The following HECW1 variants were observed in gnomAD, a reference collection of about 807,000 sequenced individuals.
HECW1 encodes the protein E3 ubiquitin-protein ligase HECW1.
A neutral mutation model predicts 182.3 loss-of-function variants in HECW1; 61 were observed. The observed-to-expected ratio is 0.33, with a 90% CI of 0.27 to 0.41. The LOEUF is 0.41. Ranked by LOEUF, HECW1 falls within the 10% of genes least tolerant of loss-of-function variation. The pLI is 1.00. For missense variants in HECW1, 1,739 were observed against 2,108.9 expected, an observed-to-expected ratio of 0.82 and a Z score of 3.44; for synonymous variants, 859 against 832.6, an observed-to-expected ratio of 1.03 and a Z score of -0.55.
At chr7:43,161,868 T>C (rs748852261) in intron 2 of HECW1, among the ~76,000 whole-genome samples, 10 of 152,268 alleles carry the variant, frequency 6.6e-5, no homozygotes, top group Non-Finnish European at 1.5e-4. Context: ...ATCTGTGTCC[T>C]CTGTGCTATA....
chr7:43,530,484 CTAAG>C (rs1025878235), intron 24 of HECW1, among the ~76,000 whole-genome samples: 16 of 150,176 alleles, frequency 1.1e-4, no homozygotes, highest in Non-Finnish European at 1.9e-4. Flanking sequence ...TTCTTCTGAC[CTAAG>C]TTTTTCCATA....
At chr7:43,142,361 T>C (rs1788245097) in intron 2 of HECW1, among the ~76,000 whole-genome samples, 1 of 152,180 alleles carries the variant, frequency 6.6e-6, no homozygotes, top group South Asian at 2.1e-4. Flanking sequence ...AGGGCAGCTT[T>C]GTCACCCAAA....
chr7:43,273,470 G>C (rs1410241395), intron 3 of HECW1, among the ~76,000 whole-genome samples: 1 of 151,922 alleles, frequency 6.6e-6, no homozygotes. Flanking sequence ...AAAAATATTT[G>C]AGTAAAGAAT....
At chr7:43,283,544 C>T (rs1330839187) in intron 3 of HECW1, among the ~76,000 whole-genome samples, 1 of 151,940 alleles carries the variant, frequency 6.6e-6, no homozygotes, top group African/African-American at 2.4e-5. Context: ...CATGTTTTGC[C>T]TTAATTTCTA....
At chr7:43,398,744 G>A (rs185783772) in intron 7 of HECW1, among the ~76,000 whole-genome samples, 1 of 152,330 alleles carries the variant, frequency 6.6e-6, no homozygotes, top group Admixed American at 6.5e-5. Flanking sequence ...AACTGTCTGT[G>A]CAGGAGACCA....
At chr7:43,372,273 G>T (rs1319001806) in intron 6 of HECW1, among the ~76,000 whole-genome samples, 1 of 152,148 alleles carries the variant, frequency 6.6e-6, no homozygotes, top group Non-Finnish European at 1.5e-5. Flanking sequence ...AGGATTATGT[G>T]GGGGTGGGGT....
chr7:43,420,373 T>G (rs1051821717), intron 8 of HECW1, among the ~76,000 whole-genome samples: 7 of 152,234 alleles, frequency 4.6e-5, no homozygotes, highest in Non-Finnish European at 8.8e-5. Context: ...CTATACTTAC[T>G]GGTAAAATAT....
At chr7:43,274,133 G>A in intron 3 of HECW1, 3 of 403,324 alleles carry the variant, frequency 7.4e-6, no homozygotes, top group East Asian at 3.7e-5. Flanking sequence ...AAAAGCGCGG[G>A]TGGCGGCAGG....
At position 43,445,422 on chromosome 7, in the gene HECW1, C is replaced by A. The variant is rs369845470; in HGVS notation, c.2250C>A (p.Pro750=). 1 of 1,613,294 alleles carries A rather than the reference C, an allele frequency of 6.2e-7. No homozygotes were observed. The highest frequency in any genetic ancestry group is 1.3e-5 in the African/African-American group (1 of 74,940). ...EEENSAFESV[P]DSMQSPELDP... is the part of the protein sequence containing the mutation. ...AGAACAGCGCGTTCGAGTCGGTACC[C>A]GACTCCATGCAGAGCCCTGAGCTGG... Residue 750 remains proline (P), a synonymous_variant, in exon 11 of 30, where the codon CCC becomes CCA. Coordinates refer to ENST00000395891, the MANE Select transcript of HECW1 (RefSeq NM_015052.5).
At chr7:43,115,841 G>A (rs538378834) in intron 2 of HECW1, among the ~76,000 whole-genome samples, 1 of 152,158 alleles carries the variant, frequency 6.6e-6, no homozygotes, top group African/African-American at 2.4e-5. Context: ...TGTTCATAGA[G>A]CTAAGATAGC....
chr7:43,145,286 T>C (rs1456205505), intron 2 of HECW1, among the ~76,000 whole-genome samples: 1 of 152,122 alleles, frequency 6.6e-6, no homozygotes, highest in Non-Finnish European at 1.5e-5. Context: ...GGCTTTGCCC[T>C]TTCCTTCTTT....
intron 2 of HECW1, among the ~76,000 whole-genome samples, chr7:43,164,967 A>C (rs1326669275): frequency 6.6e-6 from 1 of 152,158 alleles, no homozygotes; most frequent in African/African-American, 2.4e-5. Flanking sequence ...GTGGTTTCTA[A>C]AGGTTCCTCT....
intron 24 of HECW1, among the ~76,000 whole-genome samples, chr7:43,531,565 T>G (rs1247811944): frequency 6.6e-6 from 1 of 152,076 alleles, no homozygotes; most frequent in African/African-American, 2.4e-5. Flanking sequence ...ACTCCACTGC[T>G]CCCCTTTAGA....
intron 7 of HECW1, among the ~76,000 whole-genome samples, chr7:43,402,655 A>C (rs1336429968): frequency 1.2e-4 from 19 of 152,222 alleles, no homozygotes; most frequent in Admixed American, 1.2e-3. Context: ...AATTGGGGAC[A>C]TTGCAATATA....
intron 3 of HECW1, among the ~76,000 whole-genome samples, chr7:43,283,261 G>T (rs1327137649): frequency 8.0e-6 from 1 of 124,978 alleles, no homozygotes; most frequent in African/African-American, 4.7e-5. Context: ...GATTTTATTT[G>T]ACCTTTTCAC....
intron 5 of HECW1, among the ~76,000 whole-genome samples, chr7:43,346,308 C>G (rs1813677738): frequency 6.6e-6 from 1 of 152,074 alleles, no homozygotes; most frequent in Non-Finnish European, 1.5e-5. Context: ...TGAGAATTGT[C>G]TATTCACGTC....
At chr7:43,143,784 T>G (rs1391403137) in intron 2 of HECW1, among the ~76,000 whole-genome samples, 1 of 152,194 alleles carries the variant, frequency 6.6e-6, no homozygotes, top group Non-Finnish European at 1.5e-5. Flanking sequence ...GGAGACTGAG[T>G]TATTTGCCTT....
chr7:43,113,043 C>CG (rs1784747616), intron 1 of HECW1, 106 bp downstream of exon 1: 1 of 184,278 alleles, frequency 5.4e-6, no homozygotes, highest in Non-Finnish European at 1.1e-5. Context: ...CCTCCCTTCT[C>CG]GGGGCCGAGA....
chr7:43,518,591 T>C (rs2080282194), intron 24 of HECW1, among the ~76,000 whole-genome samples: 1 of 151,662 alleles, frequency 6.6e-6, no homozygotes, highest in African/African-American at 2.4e-5. Flanking sequence ...ATCTTGAAAA[T>C]TAATCTTTGC....
Sources: allele counts gnomAD v4.1 joint callset (sites outside exome capture counted in the v4.1 genomes callset), GRCh38; gene constraint gnomAD v4.1.1; transcripts MANE v1.5; gene names NCBI Gene and HGNC (gene_info 2026-07-23, HGNC 2026-07-21).